CCDC175: variants seen among roughly 807,000 people sequenced by gnomAD.
The protein encoded by CCDC175 is coiled-coil domain containing 175.
A neutral mutation model predicts 114.6 loss-of-function variants in CCDC175; 100 were observed. The observed-to-expected ratio is 0.87, with a 90% CI of 0.74 to 1.03. The LOEUF (loss-of-function observed/expected upper bound fraction) is 1.03, where lower values mean the gene tolerates loss of function less well. Ranked by LOEUF, CCDC175 falls within the 50% of genes least tolerant of loss-of-function variation. The pLI is 0.00. For synonymous variants in CCDC175, 306 were observed against 308.7 expected, an observed-to-expected ratio of 0.99 and a Z score of 0.09; for missense variants, 880 against 917.8, an observed-to-expected ratio of 0.96 and a Z score of 0.53.
chr14:59,542,095 T>G (rs1436065754), intron 10 of CCDC175, among the ~76,000 whole-genome samples: 3 of 152,224 alleles, frequency 2.0e-5, no homozygotes, highest in Non-Finnish European at 4.4e-5. Context: ...TTGTCCTATA[T>G]TTAAATCATG....
In CCDC175 at chr14:59,514,521, A is replaced by T. The variant is rs577839455; in HGVS notation, c.2099-2718T>A. On this transcript the variant is annotated intron_variant, in intron 17 of 19. Transcript: ENST00000537690. Reference sequence around the variant, plus strand: ...GGCACGAGAACTACATGACAAATGCATAAGCCTCAGTAGCCGATTAGATCA... The same window carrying T: ...GGCACGAGAACTACATGACAAATGCTTAAGCCTCAGTAGCCGATTAGATCA... 3.3e-5 allele frequency among the ~76,000 whole-genome samples: 5 copies of T among 152,382 alleles called. No individual in the cohort carries two copies. In the East Asian group the frequency reaches 9.6e-4, roughly 29 times the overall value.
At chr14:59,517,396 G>C (rs1347970437) in intron 17 of CCDC175, among the ~76,000 whole-genome samples, 1 of 152,176 alleles carries the variant, frequency 6.6e-6, no homozygotes, top group Non-Finnish European at 1.5e-5. Context: ...GTTTGCAGAT[G>C]ACATTATTGT....
At chr14:59,531,711 G>C in intron 14 of CCDC175, 61 bp downstream of exon 14, 1 of 1,215,858 alleles carries the variant, frequency 8.2e-7, no homozygotes, top group Non-Finnish European at 1.1e-6. Flanking sequence ...CCTTGTGTTA[G>C]AAGATGACAG....
In CCDC175 at chr14:59,551,388, A is replaced by G; in HGVS notation, c.1002T>C (p.Asp334=). Residue 334 remains aspartate, a synonymous_variant, in exon 8 of 20, where the codon GAT becomes GAC. Transcript: ENST00000537690. ...TCTTGTTCAGGAATTCATTTTTTTC[A>G]TCATTAGATATATCATCTAGTTTTT... ...NKEKLDDISN[D]EKNEFLNKIK... is the part of the protein sequence containing the mutation. 1.4e-6 allele frequency: 2 copies of G among 1,457,022 alleles called. No homozygotes were observed. Among genetic ancestry groups the G allele is most frequent in the Non-Finnish European group, 9.2e-7 (1 of 1,091,330 alleles). 90.3% of individuals were successfully genotyped at this position (1,457,022 alleles called of 1,614,324 possible).
At chr14:59,546,332 T>A (rs1895106327) in intron 8 of CCDC175, among the ~76,000 whole-genome samples, 1 of 151,958 alleles carries the variant, frequency 6.6e-6, no homozygotes, top group Non-Finnish European at 1.5e-5. Context: ...AGGGAAGAAG[T>A]GGGGAAGGGT....
chr14:59,575,423 G>A (rs1344976452), intron 1 of CCDC175, among the ~76,000 whole-genome samples: 2 of 151,870 alleles, frequency 1.3e-5, no homozygotes, highest in Non-Finnish European at 2.9e-5. Flanking sequence ...CAAGGTTCTA[G>A]GTCTGTCATT....
chr14:59,549,065 C>A (rs935154423), intron 8 of CCDC175, among the ~76,000 whole-genome samples: 1 of 152,130 alleles, frequency 6.6e-6, no homozygotes, highest in Non-Finnish European at 1.5e-5. Context: ...AAATTTCCAA[C>A]AGAGTTTGCA....
At chr14:59,510,161 G>T (rs1057064785) in intron 19 of CCDC175, among the ~76,000 whole-genome samples, 1 of 152,074 alleles carries the variant, frequency 6.6e-6, no homozygotes, top group African/African-American at 2.4e-5. Context: ...AAGCTGATAC[G>T]CCTCTGGAGA....
At chr14:59,526,980 T>A (rs924072906) in intron 15 of CCDC175, 115 bp downstream of exon 15, 2 of 567,122 alleles carry the variant, frequency 3.5e-6, no homozygotes, top group African/African-American at 3.9e-5. Context: ...ATTGAATGGG[T>A]AAGTTTAACA....
intron 13 of CCDC175, among the ~76,000 whole-genome samples, 165 bp from the exon 14 acceptor site, chr14:59,532,075 T>G (rs1894106179): frequency 6.6e-6 from 1 of 152,194 alleles, no homozygotes; most frequent in Non-Finnish European, 1.5e-5. Flanking sequence ...TTAATAAATA[T>G]TTGTTCCCTG....
At chr14:59,518,613 A>G (rs1228192509) in intron 17 of CCDC175, among the ~76,000 whole-genome samples, 18 of 152,228 alleles carry the variant, frequency 1.2e-4, no homozygotes, top group East Asian at 1.9e-4. Flanking sequence ...CAAAACCACA[A>G]TGAGATACCA....
chr14:59,520,632 T>C (rs1451315234), intron 17 of CCDC175, among the ~76,000 whole-genome samples: 1 of 152,106 alleles, frequency 6.6e-6, no homozygotes, highest in Non-Finnish European at 1.5e-5. Context: ...ATAAATAAAA[T>C]ATGGTATATC....
In CCDC175 at chr14:59,540,795, T is replaced by C. The variant is rs1344036031; in HGVS notation, c.1284-49A>G. ...TTTGCATTTATGGGAGCTGTTAGAA[T>C]ATACAATAGACTCTATACGCATAAT... is the stretch of plus-strand genomic sequence containing the variant. On this transcript the variant is annotated intron_variant, in intron 10 of 19. Coordinates refer to ENST00000537690, the MANE Select transcript of CCDC175 (RefSeq NM_001164399.2). The C allele has an allele frequency of 5.0e-6, 7 of 1,407,888 alleles. No individual in the cohort carries two copies. The Admixed American group carries it at 1.3e-4, about 26-fold the overall frequency. The allele number at this position is 1,407,888 out of a possible 1,614,324, so 87.2% of individuals were successfully genotyped here.
chr14:59,524,354 G>A (rs1457051673), intron 16 of CCDC175, among the ~76,000 whole-genome samples: 2 of 152,138 alleles, frequency 1.3e-5, no homozygotes, highest in Non-Finnish European at 2.9e-5. Flanking sequence ...TTAGGGGTTG[G>A]ATGAACAAAT....
At chr14:59,515,901 G>T (rs1893048969) in intron 17 of CCDC175, among the ~76,000 whole-genome samples, 1 of 152,148 alleles carries the variant, frequency 6.6e-6, no homozygotes, top group Admixed American at 6.5e-5. Flanking sequence ...TTCCAAAATT[G>T]ACCACATAGT....
intron 8 of CCDC175, among the ~76,000 whole-genome samples, chr14:59,550,315 T>C (rs771571527): frequency 6.6e-6 from 1 of 152,170 alleles, no homozygotes; most frequent in Non-Finnish European, 1.5e-5. Context: ...TTACTCACCC[T>C]CACCCCCAAT....
chr14:59,561,218 T>C lies in CCDC175; in HGVS notation c.854A>G (p.Asp285Gly). ...TVTVSAAVLS[D>G]HNLEIARLHE... The stretch of plus-strand genomic sequence containing the variant: ...TAGTCGTGCTATCTCTAAATTGTGA[T>C]CACTAAGAACCTATTAAAAATTAAA... The change falls in exon 7 of 20, where the codon GAT becomes GGT. Residue 285 changes from aspartate (D) to glycine (G), a missense_variant. Coordinates refer to ENST00000537690, the MANE Select transcript of CCDC175 (RefSeq NM_001164399.2). The C allele has an allele frequency of 6.5e-7, 1 of 1,528,050 alleles. No individual in the cohort carries two copies. Among genetic ancestry groups the C allele is most frequent in the African/African-American group, 1.4e-5 (1 of 72,968 alleles). The allele number at this position is 1,528,050 out of a possible 1,614,324, so 94.7% of individuals were successfully genotyped here. A position where few individuals can be genotyped will look rare whatever the true frequency, so the allele number is the denominator to read the frequency against.
chr14:59,508,409 C>CACACACACAG (rs1892555508), intron 19 of CCDC175, among the ~76,000 whole-genome samples: 1 of 143,910 alleles, frequency 6.9e-6, no homozygotes. Flanking sequence ...TACACACACA[C>CACACACACAG]ACACACACAC....
intron 19 of CCDC175, among the ~76,000 whole-genome samples, chr14:59,508,131 A>G (rs12886536): frequency 0.97 from 148,194 of 152,074 alleles, 72,324 homozygotes; most frequent in East Asian, 1. Flanking sequence ...CACACACCTC[A>G]CTATCTCTTT....
Sources: gnomAD v4.1 joint callset for allele counts (sites outside exome capture counted in the v4.1 genomes callset) on GRCh38, gnomAD v4.1.1 for gene constraint, MANE v1.5 for transcripts, NCBI Gene and HGNC (gene_info 2026-07-23, HGNC 2026-07-21) for gene names.